Variants in AGMO observed in about 807,000 individuals in gnomAD.
AGMO encodes glyceryl-ether monooxygenase.
Under a neutral mutation model 60.2 loss-of-function variants are expected in AGMO, and 75 were observed. The observed-to-expected ratio is 1.25, with a 90% CI of 1.03 to 1.51. AGMO has a LOEUF of 1.51. Among genes scored for constraint, AGMO ranks in the 40% most tolerant of loss-of-function variants. AGMO has a pLI of 0.00. For missense variants in AGMO, 763 were observed against 525.5 expected, an observed-to-expected ratio of 1.45 and a Z score of -4.42; for synonymous variants, 261 against 177.1, an observed-to-expected ratio of 1.47 and a Z score of -3.76.
chr7:15,525,087 G>T (rs4425651), intron 3 of AGMO, among the ~76,000 whole-genome samples: 95,072 of 151,826 alleles, frequency 0.63, 32,503 homozygotes, highest in East Asian at 0.95. Context: ...AGTCAGTCCT[G>T]CTTCATAATA....
At chr7:15,420,107 T>C (rs1018091101) in intron 4 of AGMO, among the ~76,000 whole-genome samples, 40 of 152,238 alleles carry the variant, frequency 2.6e-4, no homozygotes, top group African/African-American at 9.6e-4. Flanking sequence ...GGAAAGACTA[T>C]GCATAGCAGA....
intron 3 of AGMO, among the ~76,000 whole-genome samples, chr7:15,529,569 T>C (rs1385461872): frequency 8.1e-5 from 10 of 123,496 alleles, no homozygotes; most frequent in African/African-American, 2.5e-4. Flanking sequence ...ATATATTCTA[T>C]ATATAGAGTA....
intron 3 of AGMO, among the ~76,000 whole-genome samples, chr7:15,534,725 A>T (rs1162302658): frequency 6.6e-6 from 1 of 151,902 alleles, no homozygotes; most frequent in African/African-American, 2.4e-5. Context: ...ATATACACAA[A>T]TATATTATAT....
Position 15,561,705 on chromosome 7 carries a change from C to T in AGMO, c.126+15G>A, listed in dbSNP as rs906074839. ...GCAGCAAGAATAAGAGTAGCCTCTTCCAATAAAGTCTCACCTTTTTTACAT... is the reference window on the plus strand; with the variant it reads ...GCAGCAAGAATAAGAGTAGCCTCTTTCAATAAAGTCTCACCTTTTTTACAT... On this transcript the variant is annotated intron_variant, in intron 1 of 12. Coordinates refer to ENST00000342526, the MANE Select transcript of AGMO (RefSeq NM_001004320.2). The T allele has an allele frequency of 6.3e-7, 1 of 1,593,774 alleles. No individual in the cohort carries two copies. The highest frequency in any genetic ancestry group is 1.4e-5 in the African/African-American group (1 of 73,954).
the AGMO span, among the ~76,000 whole-genome samples, chr7:15,155,997 A>C: frequency 6.6e-6 from 1 of 152,110 alleles, no homozygotes; most frequent in Non-Finnish European, 1.5e-5. Context: ...AAGGTGAAGC[A>C]CCTGCTGTGC....
chr7:15,409,786 T>C (rs1480936509), intron 5 of AGMO, among the ~76,000 whole-genome samples: 1 of 151,780 alleles, frequency 6.6e-6, no homozygotes, highest in Non-Finnish European at 1.5e-5. Context: ...AACTGCATAG[T>C]GTAGTAGATT....
intron 12 of AGMO, chr7:15,358,240 G>A (rs1782617783): frequency 4.0e-6 from 1 of 250,806 alleles, no homozygotes; most frequent in Admixed American, 5.3e-5. Flanking sequence ...AATATTTATT[G>A]AATAGATCAA....
chr7:15,423,931 G>A (rs1321682013), intron 4 of AGMO, among the ~76,000 whole-genome samples: 1 of 152,044 alleles, frequency 6.6e-6, no homozygotes, highest in Non-Finnish European at 1.5e-5. Context: ...CTAGCTCTGG[G>A]TACTTTGTTA....
the AGMO span, among the ~76,000 whole-genome samples, chr7:15,143,106 T>C: frequency 6.6e-6 from 1 of 152,218 alleles, no homozygotes; most frequent in African/African-American, 2.4e-5. Context: ...GTTTCTCTTC[T>C]AGTAGCCTGC....
chr7:15,338,224 T>C (rs1037666664), intron 12 of AGMO, among the ~76,000 whole-genome samples: 1 of 152,194 alleles, frequency 6.6e-6, no homozygotes, highest in Non-Finnish European at 1.5e-5. Flanking sequence ...CAGTGGCATT[T>C]AGTATATTCA....
the AGMO span, among the ~76,000 whole-genome samples, chr7:15,193,363 A>G: frequency 6.6e-6 from 1 of 152,204 alleles, no homozygotes; most frequent in Non-Finnish European, 1.5e-5. Flanking sequence ...AAATTTATCA[A>G]GTAATTTGTC....
At chr7:15,452,676 A>C (rs1483835444) in intron 3 of AGMO, among the ~76,000 whole-genome samples, 1 of 152,202 alleles carries the variant, frequency 6.6e-6, no homozygotes, top group African/African-American at 2.4e-5. Flanking sequence ...ACAGTTTCGC[A>C]GTTCTTCAAT....
At chr7:15,327,214 T>C (rs1207128630) in intron 12 of AGMO, among the ~76,000 whole-genome samples, 1 of 152,150 alleles carries the variant, frequency 6.6e-6, no homozygotes, top group Non-Finnish European at 1.5e-5. Context: ...TTTGGACTCA[T>C]CTACTACACC....
intron 4 of AGMO, among the ~76,000 whole-genome samples, chr7:15,419,537 A>C (rs968042976): frequency 1.3e-5 from 2 of 151,976 alleles, no homozygotes; most frequent in African/African-American, 2.4e-5. Flanking sequence ...TTTTATTTTA[A>C]AGTTATTTTA....
chr7:15,537,138 C>T (rs777393353), intron 3 of AGMO, among the ~76,000 whole-genome samples: 23 of 152,102 alleles, frequency 1.5e-4, no homozygotes, highest in Non-Finnish European at 3.1e-4. Flanking sequence ...CATCCCTAAA[C>T]CTTCACATAA....
intron 10 of AGMO, among the ~76,000 whole-genome samples, chr7:15,378,622 A>G (rs1377362464): frequency 6.6e-6 from 1 of 151,800 alleles, no homozygotes; most frequent in East Asian, 1.9e-4. Flanking sequence ...CCCACTGACA[A>G]TATTAGATCA....
intron 3 of AGMO, among the ~76,000 whole-genome samples, chr7:15,434,054 C>G (rs564159601): frequency 2.0e-5 from 3 of 152,116 alleles, no homozygotes; most frequent in African/African-American, 7.2e-5. Flanking sequence ...GATTACTGCA[C>G]TCTAGATACA....
chr7:15,396,466 T>TA (rs1466681366), intron 5 of AGMO: 1 of 152,264 alleles, frequency 6.6e-6, no homozygotes, highest in Non-Finnish European at 1.5e-5. Flanking sequence ...GGGTGAGCAT[T>TA]ACAGCTCATA....
At chr7:15,398,787 G>A (rs1270159756) in intron 5 of AGMO, among the ~76,000 whole-genome samples, 1 of 151,956 alleles carries the variant, frequency 6.6e-6, no homozygotes, top group Non-Finnish European at 1.5e-5. Flanking sequence ...ATATAACATA[G>A]TCCAATACTT....
Sources: allele counts gnomAD v4.1 joint callset (sites outside exome capture counted in the v4.1 genomes callset), GRCh38; gene constraint gnomAD v4.1.1; transcripts MANE v1.5; gene names NCBI Gene and HGNC (gene_info 2026-07-23, HGNC 2026-07-21).